Variants in FAM47E observed in about 807,000 individuals in gnomAD.
The protein encoded by FAM47E is protein FAM47E.
Under a neutral mutation model 41.6 loss-of-function variants are expected in FAM47E, and 32 were observed. That is an observed-to-expected ratio of 0.77 (90% CI 0.58 to 1.03). The LOEUF is 1.03. Ranked by LOEUF, FAM47E falls within the 50% of genes least tolerant of loss-of-function variation. The pLI, the probability that FAM47E is intolerant of heterozygous loss-of-function variation, is 0.00. For missense variants in FAM47E, 424 were observed against 485.4 expected (o/e 0.87, Z 1.19); for synonymous variants, 184 against 188.7 (o/e 0.98, Z 0.20).
chr4:76,251,093 A>G (rs1185445568), upstream of FAM47E, among the ~76,000 whole-genome samples: 1 of 152,138 alleles, frequency 6.6e-6, no homozygotes, highest in Non-Finnish European at 1.5e-5. Flanking sequence ...AGAATTTAGT[A>G]AAAACGAAAC....
chr4:76,261,511 G>A (rs1734416854), intron 2 of FAM47E, among the ~76,000 whole-genome samples: 1 of 152,202 alleles, frequency 6.6e-6, no homozygotes, highest in Middle Eastern at 3.2e-3. Context: ...ATGAAGTCAT[G>A]TCTATCGTAG....
chr4:76,219,443 C>T (rs1378728594), intron 2 of FAM47E, among the ~76,000 whole-genome samples: 3 of 152,204 alleles, frequency 2.0e-5, no homozygotes, highest in African/African-American at 7.2e-5. Flanking sequence ...TTTAAACTCA[C>T]TGTGGCAAAG....
At chr4:76,272,887 C>T (rs781633551) in intron 5 of FAM47E, among the ~76,000 whole-genome samples, 41 of 152,148 alleles carry the variant, frequency 2.7e-4, no homozygotes, top group Admixed American at 2.0e-4. Flanking sequence ...TATATTTCCA[C>T]ATAATATATT....
At chr4:76,238,682 G>T (rs1198331075) in intron 2 of FAM47E, among the ~76,000 whole-genome samples, 1 of 152,124 alleles carries the variant, frequency 6.6e-6, no homozygotes, top group East Asian at 1.9e-4. Context: ...ATAGGAGGGT[G>T]CTTAGTCATG....
intron 2 of FAM47E, among the ~76,000 whole-genome samples, chr4:76,257,463 T>G (rs954953932): frequency 1.3e-5 from 2 of 152,138 alleles, no homozygotes; most frequent in Non-Finnish European, 2.9e-5. Context: ...AGCCTTCCAG[T>G]GTCCCCTTCT....
intron 2 of FAM47E, among the ~76,000 whole-genome samples, chr4:76,226,706 G>T (rs1280320119): frequency 6.6e-6 from 1 of 152,172 alleles, no homozygotes; most frequent in African/African-American, 2.4e-5. Flanking sequence ...CTCACTGCTT[G>T]TTACTGGTCT....
chr4:76,237,243 G>T (rs1733605069), intron 2 of FAM47E, among the ~76,000 whole-genome samples: 1 of 151,940 alleles, frequency 6.6e-6, no homozygotes, highest in Admixed American at 6.6e-5. Flanking sequence ...GTTAATGCTG[G>T]AAAGGTATAA....
At position 76,221,670 on chromosome 4, in the gene FAM47E, G is replaced by T. The variant is rs796855791; in HGVS notation, c.81+3982G>T. 8.5e-5 allele frequency among the ~76,000 whole-genome samples: 13 copies of T among 152,272 alleles called. 1 individual carries two copies. Among genetic ancestry groups the T allele is most frequent in the African/African-American group, 2.9e-4 (12 of 41,546 alleles). On this transcript the variant is annotated intron_variant, in intron 2 of 7. Transcript: ENST00000510197. ...ACTGCAAAAACAGAGAAAAAATACC[G>T]CATGTTATCACTTATTAGCTAAAGA...
intron 2 of FAM47E, among the ~76,000 whole-genome samples, chr4:76,229,834 T>A (rs1733463033): frequency 1.3e-5 from 2 of 152,170 alleles, no homozygotes; most frequent in Non-Finnish European, 2.9e-5. Flanking sequence ...CAGTGAAGTT[T>A]TTATGTGGAC....
intron 5 of FAM47E, among the ~76,000 whole-genome samples, chr4:76,276,468 G>A (rs1349403968): frequency 2.0e-5 from 3 of 152,128 alleles, no homozygotes; most frequent in Non-Finnish European, 4.4e-5. Context: ...CACCTCCCGG[G>A]TTCAAGCGAT....
chr4:76,231,861 G>T (rs1003545189), intron 2 of FAM47E, among the ~76,000 whole-genome samples: 16 of 152,188 alleles, frequency 1.1e-4, no homozygotes, highest in Non-Finnish European at 2.1e-4. Context: ...GTAAACAAGG[G>T]TATGAGGCCA....
At chr4:76,243,723 G>C (rs569210515) in intron 2 of FAM47E, among the ~76,000 whole-genome samples, 130 of 152,146 alleles carry the variant, frequency 8.5e-4, no homozygotes, top group African/African-American at 3.0e-3. Context: ...TTTGTTTTAA[G>C]TATTTTTAAA....
chr4:76,244,024 A>C (rs1196502442), intron 2 of FAM47E, among the ~76,000 whole-genome samples: 1 of 152,232 alleles, frequency 6.6e-6, no homozygotes, highest in Admixed American at 6.5e-5. Context: ...TAGTTTGCTG[A>C]GAATGATAGT....
At chr4:76,215,300 T>G (rs76810821) in intron 1 of FAM47E, among the ~76,000 whole-genome samples, 205 of 152,350 alleles carry the variant, frequency 1.3e-3, no homozygotes, top group African/African-American at 4.8e-3. Context: ...TTAAGTAACC[T>G]AACAAGCTCA....
chr4:76,218,182 T>G (rs146584651), intron 2 of FAM47E, among the ~76,000 whole-genome samples: 2 of 152,346 alleles, frequency 1.3e-5, no homozygotes, highest in East Asian at 3.9e-4. Flanking sequence ...TCCAAGATAC[T>G]TCTAAAAGTC....
intron 2 of FAM47E, among the ~76,000 whole-genome samples, chr4:76,235,084 G>T (rs1208410884): frequency 6.6e-6 from 1 of 152,128 alleles, no homozygotes; most frequent in Non-Finnish European, 1.5e-5. Flanking sequence ...CTGGGAGGCC[G>T]AGGCGGGCAG....
chr4:76,243,916 C>T (rs981245919), intron 2 of FAM47E, among the ~76,000 whole-genome samples: 3 of 152,108 alleles, frequency 2.0e-5, no homozygotes, highest in Admixed American at 1.3e-4. Flanking sequence ...TGACAGGCCC[C>T]GGTATGTGTT....
At chr4:76,225,777 G>C (rs986124747) in intron 2 of FAM47E, among the ~76,000 whole-genome samples, 1 of 152,166 alleles carries the variant, frequency 6.6e-6, no homozygotes, top group Non-Finnish European at 1.5e-5. Context: ...TATGCTGTTG[G>C]ATCCAGTTAG....
intron 5 of FAM47E, among the ~76,000 whole-genome samples, chr4:76,276,917 C>A (rs1488815322): frequency 6.6e-6 from 1 of 152,150 alleles, no homozygotes; most frequent in Non-Finnish European, 1.5e-5. Flanking sequence ...TTTCTTGGAG[C>A]GTATCTGGCT....
Sources: gnomAD v4.1 joint callset for allele counts (sites outside exome capture counted in the v4.1 genomes callset) on GRCh38, gnomAD v4.1.1 for gene constraint, MANE v1.5 for transcripts, NCBI Gene and HGNC (gene_info 2026-07-23, HGNC 2026-07-21) for gene names.